The following MTA3 variants were observed in gnomAD, a reference collection of about 807,000 sequenced individuals.
MTA3 encodes metastasis associated 1 family member 3.
Under a neutral mutation model 83.5 loss-of-function variants are expected in MTA3, and 34 were observed. That is an observed-to-expected ratio of 0.41 (90% CI 0.31 to 0.54). The LOEUF is 0.54. Ranked by LOEUF, MTA3 falls within the 20% of genes least tolerant of loss-of-function variation. The pLI, the probability that MTA3 is intolerant of heterozygous loss-of-function variation, is 0.33. For synonymous variants in MTA3, 303 were observed against 252.7 expected (o/e 1.20, Z -1.89); for missense variants, 761 against 726.4 (o/e 1.05, Z -0.55).
At chr2:42,728,015 T>G (rs1338194243) in intron 16 of MTA3, among the ~76,000 whole-genome samples, 2 of 152,212 alleles carry the variant, frequency 1.3e-5, no homozygotes, top group Non-Finnish European at 2.9e-5. Flanking sequence ...GTTGCTGTAG[T>G]CACCCTGTTA....
chr2:42,659,109 A>G (rs887092282), intron 7 of MTA3, among the ~76,000 whole-genome samples: 14 of 152,134 alleles, frequency 9.2e-5, no homozygotes, highest in Admixed American at 3.9e-4. Context: ...AAAAATAAAA[A>G]TAATAAAAAT....
chr2:42,717,127 G>GTTT (rs66521425), intron 14 of MTA3, among the ~76,000 whole-genome samples: 20 of 64,918 alleles, frequency 3.1e-4, no homozygotes, highest in Non-Finnish European at 4.4e-4. Flanking sequence ...TCAGAAAAGA[G>GTTT]TTTTTTTTTT....
rs1280172188 is a variant in MTA3 at position 42,570,444 on chromosome 2, C to G, written c.36C>G (p.Val12=). The change falls in exon 2 of 17, where the codon GTC becomes GTG. Residue 12 remains valine (V), a synonymous_variant. Transcript: ENST00000405094. The part of the protein sequence containing the change: ...AANMYRVGDY[V]YFENSSSNPY... ...TACTTCCTTTAATTACAGATTATGT[C>G]TACTTTGAGAATTCCTCCAGCAACC... The G allele has an allele frequency of 1.3e-6, 2 of 1,533,944 alleles. No individual in the cohort carries two copies. Among genetic ancestry groups the G allele is most frequent in the East Asian group, 4.8e-5 (2 of 41,804 alleles).
intron 3 of MTA3, among the ~76,000 whole-genome samples, chr2:42,603,790 G>T (rs1213078070): frequency 6.6e-6 from 1 of 152,094 alleles, no homozygotes; most frequent in Non-Finnish European, 1.5e-5. Context: ...ACGGAGTCTG[G>T]CTCTGTCACC....
intron 9 of MTA3, among the ~76,000 whole-genome samples, chr2:42,683,019 C>A (rs148952209): frequency 6.6e-6 from 1 of 152,002 alleles, no homozygotes; most frequent in Non-Finnish European, 1.5e-5. Flanking sequence ...TTCAGTGAGC[C>A]GAGATGGCAC....
At chr2:42,639,516 A>C (rs1687512402) in intron 4 of MTA3, among the ~76,000 whole-genome samples, 1 of 152,164 alleles carries the variant, frequency 6.6e-6, no homozygotes, top group African/African-American at 2.4e-5. Context: ...GACAAGCCTT[A>C]TAAAAACAGA....
At chr2:42,674,152 C>G (rs182268721) in intron 8 of MTA3, among the ~76,000 whole-genome samples, 4 of 152,312 alleles carry the variant, frequency 2.6e-5, no homozygotes, top group African/African-American at 7.2e-5. Flanking sequence ...TGTGCAAACA[C>G]TTGTCAAGGC....
Position 42,523,090 on chromosome 2 carries a change from G to A in MTA3, c.-141+27836G>A, listed in dbSNP as rs145053626. Among the ~76,000 whole-genome samples, 52 of 152,176 alleles carry A rather than the reference G, an allele frequency of 3.4e-4. 1 individual carries two copies. Among genetic ancestry groups the A allele is most frequent in the African/African-American group, 1.1e-3 (44 of 41,544 alleles). Reference sequence around the variant, plus strand: ...CCTCCCAGAGTGCTAGAATACAGGCGTGGGCCATCACACCCAGCCCAAAGA... The same window carrying A: ...CCTCCCAGAGTGCTAGAATACAGGCATGGGCCATCACACCCAGCCCAAAGA... On this transcript the variant is annotated intron_variant, in intron 2 of 17. Coordinates refer to the MTA3 transcript ENST00000405592.
In MTA3 at chr2:42,656,082, C is replaced by G; in HGVS notation, c.500-118C>G. 2.0e-5 allele frequency: 14 copies of G among 698,464 alleles called. No homozygotes were observed. In the South Asian group the frequency reaches 2.8e-4, roughly 14 times the overall value. 43.3% of individuals were successfully genotyped at this position (698,464 alleles called of 1,614,324 possible). On this transcript the variant is annotated intron_variant, in intron 6 of 16. Coordinates refer to ENST00000405094, the MANE Select transcript of MTA3 (RefSeq NM_001330442.2). ...CTACGTCTGAAAGAATATGCCAAAA[C>G]TGTGGGCACTTACCTTACACATAAA...
In MTA3 at chr2:42,754,775, A is replaced by T; in HGVS notation, c.*1376A>T. On this transcript the variant is annotated 3_prime_UTR_variant, in exon 17 of 17. Coordinates refer to ENST00000405094, the MANE Select transcript of MTA3 (RefSeq NM_001330442.2). ...AGACAGAGTGGCTACAATTGAATTG[A>T]CACCCTGGGAAGCACGAGGTAACTT... is the stretch of plus-strand genomic sequence containing the variant. 1.0e-6 allele frequency: 1 copy of T among 985,488 alleles called. No individual in the cohort carries two copies. Among genetic ancestry groups the T allele is most frequent in the Non-Finnish European group, 1.2e-6 (1 of 829,960 alleles). The allele number at this position is 985,488 out of a possible 1,614,324, so 61.0% of individuals were successfully genotyped here. A position where few individuals can be genotyped will look rare whatever the true frequency, so the allele number is the denominator to read the frequency against.
intron 4 of MTA3, among the ~76,000 whole-genome samples, chr2:42,617,606 A>T (rs1479429133): frequency 6.6e-6 from 1 of 151,878 alleles, no homozygotes; most frequent in Non-Finnish European, 1.5e-5. Context: ...GTGAAACCCC[A>T]TCTCTACTAA....
At chr2:42,732,574 T>C (rs1326813127) in intron 16 of MTA3, among the ~76,000 whole-genome samples, 1 of 152,192 alleles carries the variant, frequency 6.6e-6, no homozygotes. Flanking sequence ...ATTTTCCCCA[T>C]GGTCTTGGGG....
At position 42,568,783 on chromosome 2, in the gene MTA3, C is replaced by T. The variant is rs1193863132; in HGVS notation, c.28+10C>T. 8.2e-6 allele frequency: 10 copies of T among 1,215,984 alleles called. No individual in the cohort carries two copies. Among genetic ancestry groups the T allele is most frequent in the African/African-American group, 1.6e-5 (1 of 63,602 alleles). 75.3% of individuals were successfully genotyped at this position (1,215,984 alleles called of 1,614,324 possible). ...ATGTACCGGGTCGGAGGTAGGCAGG[C>T]TCGGCCCGACCCGGCCCGTGTGGGA... On this transcript the variant is annotated intron_variant, in intron 1 of 16. Transcript: ENST00000405094.
intron 2 of MTA3, among the ~76,000 whole-genome samples, chr2:42,554,570 G>A (rs375353523): frequency 8.5e-5 from 13 of 152,284 alleles, no homozygotes; most frequent in African/African-American, 3.1e-4. Flanking sequence ...GATAGTGACT[G>A]CTGTTGAGAT....
At chr2:42,596,685 T>A (rs1163385708) in intron 3 of MTA3, among the ~76,000 whole-genome samples, 1 of 152,202 alleles carries the variant, frequency 6.6e-6, no homozygotes, top group Non-Finnish European at 1.5e-5. Flanking sequence ...AATGAGGCAT[T>A]CCAGCAATTA....
At position 42,717,454 on chromosome 2, in the gene MTA3, G is replaced by A. The variant is rs117286741; in HGVS notation, c.1526-1534G>A. 5.3e-5 allele frequency among the ~76,000 whole-genome samples: 8 copies of A among 152,206 alleles called. No individual in the cohort carries two copies. The East Asian group carries it at 7.7e-4, about 15-fold the overall frequency. On this transcript the variant is annotated intron_variant, in intron 14 of 16. Coordinates refer to ENST00000405094, the MANE Select transcript of MTA3 (RefSeq NM_001330442.2). ...ACAGTATTAAAGTGTTTCAATACACGTTTTGTTTTGTCCCTTTGTCTTGCA... is the reference window on the plus strand; with the variant it reads ...ACAGTATTAAAGTGTTTCAATACACATTTTGTTTTGTCCCTTTGTCTTGCA...
At chr2:42,495,528 A>G (rs1674092353) in intron 2 of MTA3, among the ~76,000 whole-genome samples, 1 of 152,222 alleles carries the variant, frequency 6.6e-6, no homozygotes, top group Non-Finnish European at 1.5e-5. Context: ...TATCTGTAAG[A>G]AAGTGAGTTT....
intron 3 of MTA3, among the ~76,000 whole-genome samples, chr2:42,583,780 C>G (rs1372153330): frequency 6.6e-6 from 1 of 151,898 alleles, no homozygotes; most frequent in Non-Finnish European, 1.5e-5. Flanking sequence ...ATCCTCTTGC[C>G]TTGGCCTCCC....
At chr2:42,742,301 G>C (rs1669096119) in intron 16 of MTA3, among the ~76,000 whole-genome samples, 1 of 152,026 alleles carries the variant, frequency 6.6e-6, no homozygotes, top group Admixed American at 6.6e-5. Context: ...ACCACACCCA[G>C]CTAATTTTTG....
Sources: allele counts gnomAD v4.1 joint callset (sites outside exome capture counted in the v4.1 genomes callset), GRCh38; gene constraint gnomAD v4.1.1; transcripts MANE v1.5; gene names NCBI Gene and HGNC (gene_info 2026-07-23, HGNC 2026-07-21).